RALGAPA1: variants seen among roughly 807,000 people sequenced by gnomAD.
RALGAPA1 encodes ral GTPase-activating protein subunit alpha-1.
A neutral mutation model predicts 269.6 loss-of-function variants in RALGAPA1; 52 were observed. The ratio of observed to expected loss-of-function variants is 0.19; its 90% CI spans 0.15 to 0.24. The LOEUF is 0.24. Among genes scored for constraint, RALGAPA1 ranks in the 10% least tolerant of loss-of-function variants. The pLI is 1.00. For missense variants in RALGAPA1, 1,917 were observed against 3,013.9 expected, an observed-to-expected ratio of 0.64 and a Z score of 8.52; for synonymous variants, 817 against 1,008.3, an observed-to-expected ratio of 0.81 and a Z score of 3.60.
At chr14:35,590,544 C>T (rs2058571666) in intron 37 of RALGAPA1, among the ~76,000 whole-genome samples, 1 of 152,136 alleles carries the variant, frequency 6.6e-6, no homozygotes, top group Non-Finnish European at 1.5e-5. Flanking sequence ...ACAGTTACTC[C>T]TTCACATGCT....
intron 27 of RALGAPA1, among the ~76,000 whole-genome samples, chr14:35,659,966 T>A (rs1022299152): frequency 2.6e-5 from 4 of 152,030 alleles, no homozygotes; most frequent in Non-Finnish European, 5.9e-5. Flanking sequence ...TTTTTTTGCA[T>A]GAAAAATACG....
chr14:35,541,203 G>A (rs1348088211), intron 41 of RALGAPA1, among the ~76,000 whole-genome samples: 1 of 151,692 alleles, frequency 6.6e-6, no homozygotes, highest in South Asian at 2.1e-4. Flanking sequence ...GCACCACCAC[G>A]CCCGGCTAAT....
chr14:35,655,696 T>C, intron 29 of RALGAPA1, 111 bp downstream of exon 29: 8 of 1,397,120 alleles, frequency 5.7e-6, no homozygotes, highest in Non-Finnish European at 7.6e-6. Flanking sequence ...AATAGAATAA[T>C]AAAGTAATGA....
chr14:35,632,924 T>C (rs75903448), intron 33 of RALGAPA1, among the ~76,000 whole-genome samples: 3 of 152,198 alleles, frequency 2.0e-5, no homozygotes, highest in African/African-American at 2.4e-5. Context: ...CAGAGAATCA[T>C]GTGCTGTTAG....
At chr14:35,766,434 G>A (rs894125110) in intron 4 of RALGAPA1, 5 of 1,574,968 alleles carry the variant, frequency 3.2e-6, no homozygotes, top group East Asian at 4.5e-5. Context: ...TTGGTCCAAA[G>A]CTGCTGACCT....
intron 37 of RALGAPA1, among the ~76,000 whole-genome samples, chr14:35,595,114 A>G (rs1421533816): frequency 2.0e-5 from 3 of 151,932 alleles, no homozygotes; most frequent in Admixed American, 2.0e-4. Context: ...GAGAAAATAT[A>G]CAGAGATAGA....
chr14:35,688,320 A>C (rs927352458), intron 18 of RALGAPA1, 139 bp downstream of exon 18: 1 of 864,778 alleles, frequency 1.2e-6, no homozygotes, highest in African/African-American at 1.7e-5. Flanking sequence ...CAGCTGGGAA[A>C]AGGCGCATGC....
intron 4 of RALGAPA1, chr14:35,766,395 C>G: frequency 1.3e-6 from 2 of 1,550,868 alleles, no homozygotes; most frequent in Non-Finnish European, 1.8e-6. Flanking sequence ...ATATCTTGTA[C>G]TGGAATTATC....
chr14:35,565,986 A>G (rs1260121743), intron 39 of RALGAPA1, among the ~76,000 whole-genome samples: 4 of 152,192 alleles, frequency 2.6e-5, no homozygotes, highest in Non-Finnish European at 1.5e-5. Flanking sequence ...ATAGGTAACT[A>G]ATAAACGATG....
intron 31 of RALGAPA1, among the ~76,000 whole-genome samples, chr14:35,650,419 A>AT (rs2062744367): frequency 6.6e-6 from 1 of 152,156 alleles, no homozygotes; most frequent in Non-Finnish European, 1.5e-5. Flanking sequence ...AATAAAAAAA[A>AT]TAAAAATGAA....
intron 10 of RALGAPA1, among the ~76,000 whole-genome samples, chr14:35,743,414 G>T (rs1049003101): frequency 2.9e-4 from 44 of 152,128 alleles, no homozygotes; most frequent in African/African-American, 9.9e-4. Context: ...ACTCAGAATG[G>T]TGATATTCCT....
chr14:35,559,514 T>G (rs2055962865), intron 39 of RALGAPA1, among the ~76,000 whole-genome samples: 1 of 152,114 alleles, frequency 6.6e-6, no homozygotes, highest in Admixed American at 6.6e-5. Flanking sequence ...AAAAAATCCC[T>G]ATTCCAGCAC....
At position 35,561,506 on chromosome 14, in the gene RALGAPA1, GTTTTTTT is replaced by G. The variant is rs750062810; in HGVS notation, c.7496+9104_7496+9110del. On this transcript the variant is annotated intron_variant, in intron 39 of 41. Coordinates refer to ENST00000680220, the MANE Select transcript of RALGAPA1 (RefSeq NM_001346249.2). ...GTAATGCCATGTCTTTAATATAGGA[GTTTTTTT>G]TTTTTTTTTTTTTTTTTTTGAGACA... 2.8e-3 allele frequency among the ~76,000 whole-genome samples: 203 copies of G among 72,930 alleles called. 2 individuals carry two copies. The highest frequency in any genetic ancestry group is 3.4e-3 in the Non-Finnish European group (135 of 39,792). 47.8% of individuals were successfully genotyped at this position (72,930 alleles called of 152,430 possible).
chr14:35,563,851 G>T (rs556612995), intron 39 of RALGAPA1, among the ~76,000 whole-genome samples: 1 of 152,060 alleles, frequency 6.6e-6, no homozygotes, highest in African/African-American at 2.4e-5. Flanking sequence ...CTCTCTTGTC[G>T]CCCAGGCTGG....
chr14:35,685,426 G>A (rs1019647205), intron 19 of RALGAPA1, among the ~76,000 whole-genome samples: 1 of 151,906 alleles, frequency 6.6e-6, no homozygotes, highest in Non-Finnish European at 1.5e-5. Flanking sequence ...AGCAGAAAGA[G>A]TATTTAGTGG....
At chr14:35,712,260 GAAAGAA>G (rs1186004133) in intron 16 of RALGAPA1, among the ~76,000 whole-genome samples, 2 of 149,220 alleles carry the variant, frequency 1.3e-5, no homozygotes, top group East Asian at 3.9e-4. Flanking sequence ...AAAAAAAAAG[GAAAGAA>G]AAAGAAAATA....
At chr14:35,784,059 A>C (rs1257797244) in intron 1 of RALGAPA1, among the ~76,000 whole-genome samples, 1 of 152,104 alleles carries the variant, frequency 6.6e-6, no homozygotes, top group African/African-American at 2.4e-5. Context: ...CATTCCTAGA[A>C]CATTACATAC....
At chr14:35,637,028 C>T (rs2061703236) in intron 31 of RALGAPA1, among the ~76,000 whole-genome samples, 1 of 152,066 alleles carries the variant, frequency 6.6e-6, no homozygotes, top group Non-Finnish European at 1.5e-5. Flanking sequence ...AAAAAGTATA[C>T]TGGTAGATCA....
chr14:35,628,566 A>G (rs935070434), intron 33 of RALGAPA1, among the ~76,000 whole-genome samples: 12 of 152,228 alleles, frequency 7.9e-5, no homozygotes, highest in African/African-American at 2.9e-4. Context: ...AGATTCAGAG[A>G]CAGTTTGTAG....
Sources: allele counts gnomAD v4.1 joint callset (sites outside exome capture counted in the v4.1 genomes callset), GRCh38; gene constraint gnomAD v4.1.1; transcripts MANE v1.5; gene names NCBI Gene and HGNC (gene_info 2026-07-23, HGNC 2026-07-21).